Variants in DGKB observed in about 807,000 individuals in gnomAD.
DGKB encodes 90 kDa diacylglycerol kinase.
In DGKB, 67 loss-of-function variants were observed where a neutral mutation model predicts 114.3. The observed-to-expected ratio is 0.59, with a 90% confidence interval of 0.48 to 0.72. The LOEUF is 0.72. Among genes scored for constraint, DGKB ranks in the 30% least tolerant of loss-of-function variants. The pLI, the probability that DGKB is intolerant of heterozygous loss-of-function variation, is 0.00. For synonymous variants in DGKB, 398 were observed against 323.1 expected (o/e 1.23, Z -2.49); for missense variants, 907 against 975.2 (o/e 0.93, Z 0.93).
intron 2 of DGKB, among the ~76,000 whole-genome samples, chr7:14,794,407 A>G (rs954477308): frequency 6.6e-6 from 1 of 152,210 alleles, no homozygotes; most frequent in African/African-American, 2.4e-5. Flanking sequence ...CAAGAAGTAA[A>G]GAGCTAGATA....
chr7:14,909,513 AT>A (rs1331768847), intron 1 of DGKB, among the ~76,000 whole-genome samples: 2 of 152,260 alleles, frequency 1.3e-5, no homozygotes, highest in African/African-American at 4.8e-5. Context: ...TGAAAAAAAA[AT>A]GTTTTTCATT....
chr7:14,411,128 T>C (rs12535183), intron 21 of DGKB, among the ~76,000 whole-genome samples: 114,075 of 152,026 alleles, frequency 0.75, 43,431 homozygotes, highest in Middle Eastern at 0.83. Flanking sequence ...CTACAGTGTA[T>C]GGTATTCAAT....
At chr7:14,180,251 A>C (rs1782434238) in intron 23 of DGKB, among the ~76,000 whole-genome samples, 1 of 152,160 alleles carries the variant, frequency 6.6e-6, no homozygotes, top group South Asian at 2.1e-4. Flanking sequence ...GTTGATGGGA[A>C]CCATTCTATA....
intron 21 of DGKB, among the ~76,000 whole-genome samples, chr7:14,455,601 A>G (rs1227482821): frequency 2.6e-5 from 4 of 151,944 alleles, no homozygotes; most frequent in Non-Finnish European, 5.9e-5. Context: ...GTAATTTTCT[A>G]TGTTTTCTAA....
intron 23 of DGKB, among the ~76,000 whole-genome samples, chr7:14,270,479 G>C (rs1798121539): frequency 6.6e-6 from 1 of 152,190 alleles, no homozygotes; most frequent in Admixed American, 6.5e-5. Flanking sequence ...AGATGGGGTA[G>C]ACAGGGGCAC....
intron 1 of DGKB, among the ~76,000 whole-genome samples, chr7:14,943,333 A>AG (rs1406098662): frequency 6.8e-6 from 1 of 147,234 alleles, no homozygotes; most frequent in Non-Finnish European, 1.5e-5. Flanking sequence ...ATATGCCATA[A>AG]GAAAAAAACC....
intron 23 of DGKB, among the ~76,000 whole-genome samples, chr7:14,215,951 G>A (rs1006531555): frequency 6.6e-6 from 1 of 152,030 alleles, no homozygotes; most frequent in Non-Finnish European, 1.5e-5. Flanking sequence ...ATTTCTTTAA[G>A]CAGATTAATT....
At chr7:14,636,806 T>G (rs1037123878) in intron 13 of DGKB, among the ~76,000 whole-genome samples, 1 of 151,844 alleles carries the variant, frequency 6.6e-6, no homozygotes, top group Non-Finnish European at 1.5e-5. Context: ...AGACAACAAT[T>G]CGAAAAGCCC....
At position 14,367,910 on chromosome 7, in the gene DGKB, G is replaced by A. The variant is rs116867525; in HGVS notation, c.1836-22519C>T. Among the ~76,000 whole-genome samples the A allele has an allele frequency of 3.2e-3, 493 of 152,010 alleles. 8 individuals are homozygous for A. The highest frequency in any genetic ancestry group is 0.03 in the East Asian group (153 of 5,140). On this transcript the variant is annotated intron_variant, in intron 21 of 25. Coordinates refer to ENST00000402815, the MANE Select transcript of DGKB (RefSeq NM_001350709.2). ...AAACCACCAGCATGATCCATTCACC[G>A]CCCACCAGGTTCCTACTTGATACGT...
chr7:14,710,371 T>C (rs2128332603), intron 6 of DGKB, among the ~76,000 whole-genome samples: 1 of 152,268 alleles, frequency 6.6e-6, no homozygotes, highest in Non-Finnish European at 1.5e-5. Flanking sequence ...TAGGCATAGA[T>C]CTTGCTAAAC....
At chr7:14,849,377 G>T (rs139382862) in intron 1 of DGKB, among the ~76,000 whole-genome samples, 1 of 151,980 alleles carries the variant, frequency 6.6e-6, no homozygotes, top group Non-Finnish European at 1.5e-5. Context: ...CCTTTGAGGG[G>T]TATTTAGGCC....
chr7:14,444,728 T>C (rs13239682), intron 21 of DGKB, among the ~76,000 whole-genome samples: 4,923 of 151,972 alleles, frequency 0.032, 118 homozygotes, highest in Non-Finnish European at 0.041. Flanking sequence ...TACAAATATA[T>C]GTAATGCATG....
At chr7:14,948,740 TA>T (rs1431471256) in intron 1 of DGKB, among the ~76,000 whole-genome samples, 1 of 151,642 alleles carries the variant, frequency 6.6e-6, no homozygotes, top group Non-Finnish European at 1.5e-5. Context: ...TGAGCTATAA[TA>T]AAAATTACTA....
intron 21 of DGKB, among the ~76,000 whole-genome samples, chr7:14,359,120 A>T (rs1158879120): frequency 6.6e-6 from 1 of 151,004 alleles, no homozygotes; most frequent in African/African-American, 2.4e-5. Flanking sequence ...ATATATATGT[A>T]TATAGAACAA....
At chr7:14,181,065 A>C (rs1782567299) in intron 23 of DGKB, among the ~76,000 whole-genome samples, 1 of 152,176 alleles carries the variant, frequency 6.6e-6, no homozygotes, top group African/African-American at 2.4e-5. Flanking sequence ...AAATATAAAA[A>C]AATAAAGTAC....
At position 14,573,023 on chromosome 7, in the gene DGKB, G is replaced by T. The variant is rs190234118; in HGVS notation, c.1770+1189C>A. 3.3e-5 allele frequency among the ~76,000 whole-genome samples: 5 copies of T among 152,180 alleles called. No individual in the cohort carries two copies. In the East Asian group the frequency reaches 9.6e-4, roughly 29 times the overall value. Reference sequence around the variant, plus strand: ...GAATAAAAATGGGCATGAGGGTTCTGATTTGCGTAATAAAAATGTTCTAAA... The same window carrying T: ...GAATAAAAATGGGCATGAGGGTTCTTATTTGCGTAATAAAAATGTTCTAAA... On this transcript the variant is annotated intron_variant, in intron 20 of 25. Transcript: ENST00000402815.
chr7:14,296,224 G>A (rs1435876767), intron 23 of DGKB, among the ~76,000 whole-genome samples: 3 of 151,898 alleles, frequency 2.0e-5, no homozygotes, highest in South Asian at 2.1e-4. Context: ...TAGAGACGGG[G>A]TTTCACCATG....
At chr7:14,674,046 T>C (rs1819447870) in intron 12 of DGKB, among the ~76,000 whole-genome samples, 1 of 152,132 alleles carries the variant, frequency 6.6e-6, no homozygotes, top group African/African-American at 2.4e-5. Context: ...AGGAGTCTAA[T>C]GAGAGTTGAT....
intron 21 of DGKB, among the ~76,000 whole-genome samples, chr7:14,454,697 C>A (rs1832024213): frequency 6.6e-6 from 1 of 152,020 alleles, no homozygotes; most frequent in Non-Finnish European, 1.5e-5. Context: ...ATATTTCTGA[C>A]ACATCTTTGT....
Sources: gnomAD v4.1 joint callset for allele counts (sites outside exome capture counted in the v4.1 genomes callset) on GRCh38, gnomAD v4.1.1 for gene constraint, MANE v1.5 for transcripts, NCBI Gene and HGNC (gene_info 2026-07-23, HGNC 2026-07-21) for gene names.